DDX53: variants seen among roughly 807,000 people sequenced by gnomAD.
The protein encoded by DDX53 is DEAD-box helicase 53.
For synonymous variants in DDX53, 179 were observed against 170.8 expected (o/e 1.05, Z -0.37); for missense variants, 481 against 485.1 (o/e 0.99, Z 0.08).
Position 23,001,667 on chromosome X carries a change from C to T in DDX53, c.1610C>T (p.Thr537Ile), listed in dbSNP as rs369980036. Reference protein sequence around the residue: ...VSRGLDLNDVTHVYNYDFPRN... With the variant: ...VSRGLDLNDVIHVYNYDFPRN... Reference sequence around the variant, plus strand: ...CGAGGTCTTGATCTTAATGATGTCACACATGTATATAATTATGATTTCCCA... The same window carrying T: ...CGAGGTCTTGATCTTAATGATGTCATACATGTATATAATTATGATTTCCCA... Residue 537 changes from threonine (T) to isoleucine (I), a missense_variant, in exon 1 of 1, where the codon ACA (threonine) becomes ATA (isoleucine). Transcript: ENST00000327968. The T allele has an allele frequency of 2.5e-6, 3 of 1,211,027 alleles. No individual in the cohort carries two copies. Among genetic ancestry groups the T allele is most frequent in the Middle Eastern group, 2.3e-4 (1 of 4,352 alleles).
chrX:23,001,971 C>T lies in DDX53; in HGVS notation c.*18C>T. 8.8e-7 allele frequency: 1 copy of T among 1,136,298 alleles called. No individual in the cohort carries two copies. The highest frequency in any genetic ancestry group is 1.2e-6 in the Non-Finnish European group (1 of 848,205). The allele number at this position is 1,136,298 out of a possible 1,213,427, so 93.6% of individuals were successfully genotyped here. A position where few individuals can be genotyped will look rare whatever the true frequency, so the allele number is the denominator to read the frequency against. ...TAAGTTGAAAAGTTGTACCAGGCTA[C>T]TGGAAGATTCCAGGCATGTTAAAGA... On this transcript the variant is annotated 3_prime_UTR_variant, in exon 1 of 1. Coordinates refer to ENST00000327968, the MANE Select transcript of DDX53 (RefSeq NM_182699.4).
In DDX53 at chrX:23,001,883, A is replaced by C. The variant is rs1373128094; in HGVS notation, c.1826A>C (p.Gln609Pro). Reference sequence around the variant, plus strand: ...GCTGAGCAATACAAGTTAAATCAACAAAAGAGGCACAGAGAAACACGATCA... The same window carrying C: ...GCTGAGCAATACAAGTTAAATCAACCAAAGAGGCACAGAGAAACACGATCA... ...VMAEQYKLNQ[Q>P]KRHRETRSRK... Residue 609 changes from glutamine (Q) to proline (P), a missense_variant, in exon 1 of 1, where the codon CAA (glutamine) becomes CCA (proline). By Grantham distance (76) the Gln-to-Pro change is moderately conservative (BLOSUM62 -1). Coordinates refer to ENST00000327968, the MANE Select transcript of DDX53 (RefSeq NM_182699.4). The C allele has an allele frequency of 8.3e-7, 1 of 1,209,349 alleles. No individual in the cohort carries two copies. The highest frequency in any genetic ancestry group is 1.1e-6 in the Non-Finnish European group (1 of 894,784).
Position 23,000,410 on chromosome X carries a change from G to A in DDX53, c.353G>A (p.Ser118Asn), listed in dbSNP as rs760082872. Residue 118 changes from serine to asparagine, a missense_variant, in exon 1 of 1, where the codon AGC becomes AAC. Ser to Asn is a conservative substitution (Grantham distance 46). Transcript: ENST00000327968. Reference sequence around the variant, plus strand: ...GAAACACTTATTAGAAAACAAGAAAGCTACAACTCAGAATCCAGTGTGGAT... The same window carrying A: ...GAAACACTTATTAGAAAACAAGAAAACTACAACTCAGAATCCAGTGTGGAT... ...AIETLIRKQE[S>N]YNSESSVDNA... The A allele has an allele frequency of 8.7e-5, 105 of 1,208,945 alleles. 1 individual carries two copies. In the South Asian group the frequency reaches 1.6e-3, roughly 18 times the overall value.
At position 23,000,880 on chromosome X, in the gene DDX53, T is replaced by C. The variant is rs1933799230; in HGVS notation, c.823T>C (p.Ser275Pro). 2.5e-6 allele frequency: 3 copies of C among 1,210,833 alleles called. No homozygotes were observed. In the African/African-American group the frequency reaches 5.2e-5, roughly 21 times the overall value. Residue 275 changes from serine (S) to proline (P), a missense_variant, in exon 1 of 1, where the codon TCC becomes CCC. Coordinates refer to ENST00000327968, the MANE Select transcript of DDX53 (RefSeq NM_182699.4). Reference sequence around the variant, plus strand: ...ACAAACCGGAACAGGGAAAACATTGTCCTATCTAATGCCTGGGTTTATTCA... The same window carrying C: ...ACAAACCGGAACAGGGAAAACATTGCCCTATCTAATGCCTGGGTTTATTCA... ...VAQTGTGKTL[S>P]YLMPGFIHLD...
chrX:23,000,866 C>A lies in DDX53; in HGVS notation c.809C>A (p.Thr270Lys). Residue 270 changes from threonine (T) to lysine (K), a missense_variant, in exon 1 of 1, where the codon ACA becomes AAA. By Grantham distance (78) the Thr-to-Lys change is moderately conservative (BLOSUM62 -1). Transcript: ENST00000327968. Reference protein sequence around the residue: ...IDLIVVAQTGTGKTLSYLMPG... With the variant: ...IDLIVVAQTGKGKTLSYLMPG... Reference sequence around the variant, plus strand: ...CTTATAGTAGTTGCACAAACCGGAACAGGGAAAACATTGTCCTATCTAATG... The same window carrying A: ...CTTATAGTAGTTGCACAAACCGGAAAAGGGAAAACATTGTCCTATCTAATG... The A allele has an allele frequency of 8.3e-7, 1 of 1,211,219 alleles. No homozygotes were observed. Among genetic ancestry groups the A allele is most frequent in the East Asian group, 3.0e-5 (1 of 33,812 alleles).
In DDX53 at chrX:23,002,348, A is replaced by C. The variant is rs1275822375; in HGVS notation, c.*395A>C. ...AGAGAGACTATGTGAAGAGAAGGTA[A>C]ATGTTATGTGTTGGTTAAAGTTTAA... is the stretch of plus-strand genomic sequence containing the variant. On this transcript the variant is annotated 3_prime_UTR_variant, in exon 1 of 1. Transcript: ENST00000327968. 2 of 131,254 alleles carry C rather than the reference A, an allele frequency of 1.5e-5. No individual in the cohort carries two copies. Among genetic ancestry groups the C allele is most frequent in the Non-Finnish European group, 3.4e-5 (2 of 58,077 alleles). 10.8% of individuals were successfully genotyped at this position (131,254 alleles called of 1,213,427 possible).
rs772258905 is a variant in DDX53, at chrX:23,001,078, G to A, written c.1021G>A (p.Asp341Asn). 5 of 1,208,609 alleles carry A rather than the reference G, an allele frequency of 4.1e-6. No homozygotes were observed. In the Admixed American group the frequency reaches 1.1e-4, roughly 27 times the overall value. ...TAGAAACAGAAATGGACAAATAGAA[G>A]ACATTAGCAAAGGTGTAGATATCAT... ...GGRNRNGQIE[D>N]ISKGVDIIIA... Residue 341 changes from aspartate (D) to asparagine (N), a missense_variant, in exon 1 of 1, where the codon GAC (aspartate) becomes AAC (asparagine). Asp to Asn is a conservative substitution (Grantham distance 23). Coordinates refer to ENST00000327968, the MANE Select transcript of DDX53 (RefSeq NM_182699.4).
rs1933845399 is a variant in DDX53 at position 23,003,426 on chromosome X, A to C, written c.*1473A>C. ...TCTAGGCCTCAATTTCTCTACTCAT[A>C]AAATGGGACAGTTTTATTAATTTAG... On this transcript the variant is annotated 3_prime_UTR_variant, in exon 1 of 1. Coordinates refer to ENST00000327968, the MANE Select transcript of DDX53 (RefSeq NM_182699.4). 8.1e-6 allele frequency: 1 copy of C among 123,223 alleles called. No homozygotes were observed. The highest frequency in any genetic ancestry group is 1.9e-5 in the Non-Finnish European group (1 of 53,296). 10.2% of individuals were successfully genotyped at this position (123,223 alleles called of 1,213,427 possible).
At position 23,001,294 on chromosome X, in the gene DDX53, A is replaced by G; in HGVS notation, c.1237A>G (p.Thr413Ala). 1 of 1,211,857 alleles carries G rather than the reference A, an allele frequency of 8.3e-7. No homozygotes were observed. The highest frequency in any genetic ancestry group is 1.1e-6 in the Non-Finnish European group (1 of 895,440). Residue 413 changes from threonine to alanine, a missense_variant, in exon 1 of 1, where the codon ACT (threonine) becomes GCT (alanine). Coordinates refer to ENST00000327968, the MANE Select transcript of DDX53 (RefSeq NM_182699.4). Reference sequence around the variant, plus strand: ...TATGACAAGTGCAACTTGGCCAGATACTGTACGTCAACTAGCACTTTCTTA... The same window carrying G: ...TATGACAAGTGCAACTTGGCCAGATGCTGTACGTCAACTAGCACTTTCTTA... ...TVMTSATWPDTVRQLALSYLK... is the reference protein window; with the variant it reads ...TVMTSATWPDAVRQLALSYLK...
chrX:23,001,124 T>C lies in DDX53; in HGVS notation c.1067T>C (p.Leu356Pro). Residue 356 changes from leucine to proline, a missense_variant, in exon 1 of 1, where the codon CTG (leucine) becomes CCG (proline). By Grantham distance (98) the Leu-to-Pro change is moderately conservative (BLOSUM62 -3). Transcript: ENST00000327968. ...ATCATTATTGCAACTCCTGGGAGGCTGAATGACCTACAAATGAATAACTCT... is the reference window on the plus strand; with the variant it reads ...ATCATTATTGCAACTCCTGGGAGGCCGAATGACCTACAAATGAATAACTCT... ...VDIIIATPGR[L>P]NDLQMNNSVN... is the part of the protein sequence containing the mutation. The C allele has an allele frequency of 8.3e-7, 1 of 1,208,070 alleles. No homozygotes were observed. The highest frequency in any genetic ancestry group is 1.8e-5 in the African/African-American group (1 of 57,141).
chrX:23,001,249 C>T lies in DDX53; in HGVS notation c.1192C>T (p.Arg398Cys), dbSNP rs769123385. 3.3e-6 allele frequency: 4 copies of T among 1,210,839 alleles called. No homozygotes were observed. Among genetic ancestry groups the T allele is most frequent in the East Asian group, 5.9e-5 (2 of 33,808 alleles). ...PQIRKILLDV[R>C]PDRQTVMTSA... is the part of the protein sequence containing the mutation. ...GATAAGGAAGATTTTATTAGATGTGCGCCCAGACCGACAGACTGTTATGAC... is the reference window on the plus strand; with the variant it reads ...GATAAGGAAGATTTTATTAGATGTGTGCCCAGACCGACAGACTGTTATGAC... The change falls in exon 1 of 1, where the codon CGC (arginine) becomes TGC (cysteine). Residue 398 changes from arginine (R) to cysteine (C), a missense_variant. By Grantham distance (180) the Arg-to-Cys change is radical. Transcript: ENST00000327968.
Sources: allele counts gnomAD v4.1 joint callset, GRCh38; gene constraint gnomAD v4.1.1; transcripts MANE v1.5; gene names NCBI Gene and HGNC (gene_info 2026-07-23, HGNC 2026-07-21).